Variants in CD2AP observed in about 807,000 individuals in gnomAD.
The protein encoded by CD2AP is CD2-associated protein.
In CD2AP, 46 loss-of-function variants were observed where a neutral mutation model predicts 85.1. The ratio of observed to expected loss-of-function variants is 0.54; its 90% CI spans 0.43 to 0.69. The LOEUF (loss-of-function observed/expected upper bound fraction) is 0.69. Among genes scored for constraint, CD2AP ranks in the 30% least tolerant of loss-of-function variants. CD2AP has a pLI of 0.00. For synonymous variants in CD2AP, 255 were observed against 252.9 expected, an observed-to-expected ratio of 1.01 and a Z score of -0.08; for missense variants, 769 against 729.5, an observed-to-expected ratio of 1.05 and a Z score of -0.62.
intron 1 of CD2AP, among the ~76,000 whole-genome samples, chr6:47,494,515 AT>A (rs1765809297): frequency 6.6e-6 from 1 of 152,190 alleles, no homozygotes; most frequent in Non-Finnish European, 1.5e-5. Context: ...CCTAGGTGGT[AT>A]ACAGCCCCTG....
intron 13 of CD2AP, among the ~76,000 whole-genome samples, chr6:47,599,843 C>T (rs1050133148): frequency 1.3e-5 from 2 of 151,960 alleles, no homozygotes; most frequent in African/African-American, 2.4e-5. Flanking sequence ...TTAAATTTCT[C>T]CTCTTAATCT....
chr6:47,511,129 CTTAGTA>C, intron 2 of CD2AP, among the ~76,000 whole-genome samples: 1 of 31,106 alleles, frequency 3.2e-5, no homozygotes, highest in Non-Finnish European at 9.1e-5. Context: ...AAAATAGTAG[CTTAGTA>C]GCTTTTAATG....
At chr6:47,585,347 A>G (rs1002303338) in intron 11 of CD2AP, among the ~76,000 whole-genome samples, 2 of 152,054 alleles carry the variant, frequency 1.3e-5, no homozygotes, top group African/African-American at 2.4e-5. Context: ...ACTTTTATCT[A>G]TGCAAAATCC....
intron 3 of CD2AP, among the ~76,000 whole-genome samples, chr6:47,538,633 T>C (rs2114034407): frequency 6.6e-6 from 1 of 152,318 alleles, no homozygotes; most frequent in South Asian, 2.1e-4. Flanking sequence ...CAGAGCCAAC[T>C]GGAACCAAAA....
chr6:47,505,629 C>G (rs1385537543), intron 2 of CD2AP, among the ~76,000 whole-genome samples: 1 of 125,104 alleles, frequency 8.0e-6, no homozygotes, highest in Admixed American at 9.4e-5. Flanking sequence ...GGGGCTGACC[C>G]CCCCCACCTC....
At chr6:47,481,589 G>T (rs764268075) in intron 1 of CD2AP, among the ~76,000 whole-genome samples, 1 of 152,066 alleles carries the variant, frequency 6.6e-6, no homozygotes, top group African/African-American at 2.4e-5. Context: ...CATGTGATCT[G>T]CCCGCTTTGG....
intron 13 of CD2AP, among the ~76,000 whole-genome samples, chr6:47,605,951 A>G (rs999604713): frequency 2.0e-5 from 3 of 151,634 alleles, no homozygotes; most frequent in Admixed American, 6.6e-5. Flanking sequence ...GTCATATACT[A>G]ATATAAATGT....
At chr6:47,552,710 C>G (rs1190850640) in intron 4 of CD2AP, among the ~76,000 whole-genome samples, 2 of 152,122 alleles carry the variant, frequency 1.3e-5, no homozygotes, top group African/African-American at 4.8e-5. Context: ...TAATAGACAG[C>G]TGATGTTTCT....
At chr6:47,565,928 A>G (rs1158285278) in intron 5 of CD2AP, among the ~76,000 whole-genome samples, 1 of 152,036 alleles carries the variant, frequency 6.6e-6, no homozygotes, top group Admixed American at 6.6e-5. Flanking sequence ...AAATCCCTCT[A>G]TGATCTGGCA....
chr6:47,609,214 C>G lies in CD2AP; in HGVS notation c.1724C>G (p.Thr575Arg). ...TTAGAAATCAAAGCTAAAGTGGAAA[C>G]AGATGATGTGAAAAAAAATTCCCTG... ...TPLEIKAKVE[T>R]DDVKKNSLDE... Residue 575 changes from threonine (T) to arginine (R), a missense_variant, in exon 16 of 18, where the codon ACA (threonine) becomes AGA (arginine). Thr to Arg is a moderately conservative substitution (Grantham distance 71). Transcript: ENST00000359314. 6.2e-7 allele frequency: 1 copy of G among 1,612,736 alleles called. No homozygotes were observed. The highest frequency in any genetic ancestry group is 8.5e-7 in the Non-Finnish European group (1 of 1,179,120).
Position 47,609,215 on chromosome 6 carries a change from A to G in CD2AP, c.1725A>G (p.Thr575=). Residue 575 remains threonine (T), a synonymous_variant, in exon 16 of 18, where the codon ACA becomes ACG. Transcript: ENST00000359314. ...TAGAAATCAAAGCTAAAGTGGAAAC[A>G]GATGATGTGAAAAAAAATTCCCTGG... ...TPLEIKAKVE[T]DDVKKNSLDE... is the part of the protein sequence containing the mutation. 1 of 1,613,368 alleles carries G rather than the reference A, an allele frequency of 6.2e-7. No homozygotes were observed. Among genetic ancestry groups the G allele is most frequent in the Non-Finnish European group, 8.5e-7 (1 of 1,179,414 alleles).
rs564564456 is a variant in CD2AP at position 47,556,372 on chromosome 6, A to G, written c.541+1606A>G. 7.5e-5 allele frequency among the ~76,000 whole-genome samples: 11 copies of G among 147,284 alleles called. No homozygotes were observed. In the South Asian group the frequency reaches 2.5e-3, roughly 33 times the overall value. ...TTCCAGCTTCATTCATGACCCTCCA[A>G]AGGACATGAACTCATTCTTTTTTTT... On this transcript the variant is annotated intron_variant, in intron 5 of 17. Coordinates refer to ENST00000359314, the MANE Select transcript of CD2AP (RefSeq NM_012120.3).
At chr6:47,589,221 A>C (rs540428166) in intron 11 of CD2AP, among the ~76,000 whole-genome samples, 17 of 152,048 alleles carry the variant, frequency 1.1e-4, no homozygotes, top group Non-Finnish European at 2.4e-4. Flanking sequence ...GTTTGTATTA[A>C]GTGTTTAGTT....
rs1189097421 is a variant in CD2AP at position 47,566,332 on chromosome 6, A to G, written c.542-7732A>G. Among the ~76,000 whole-genome samples the G allele has an allele frequency of 1.4e-5, 2 of 145,462 alleles. 1 individual carries two copies. Among genetic ancestry groups the G allele is most frequent in the Non-Finnish European group, 3.1e-5 (2 of 65,540 alleles). ...TATATATATATATATATACACATACACATATATATATATGTATGTATGTAT... is the reference window on the plus strand; with the variant it reads ...TATATATATATATATATACACATACGCATATATATATATGTATGTATGTAT... On this transcript the variant is annotated intron_variant, in intron 5 of 17. Transcript: ENST00000359314.
chr6:47,582,031 G>C lies in CD2AP; in HGVS notation c.1074G>C (p.Glu358Asp), dbSNP rs550863556. The change falls in exon 11 of 18, where the codon GAG (glutamate) becomes GAC (aspartate). Residue 358 changes from glutamate to aspartate, a missense_variant. By Grantham distance (45) the Glu-to-Asp change is conservative (BLOSUM62 2). Coordinates refer to ENST00000359314, the MANE Select transcript of CD2AP (RefSeq NM_012120.3). Reference sequence around the variant, plus strand: ...CAAAGCCTGAACTGATAGCTGCAGAGAAGAAATATTTTTCTTTAAAGCCTG... The same window carrying C: ...CAAAGCCTGAACTGATAGCTGCAGACAAGAAATATTTTTCTTTAAAGCCTG... ...PAPKPELIAAEKKYFSLKPEE... is the reference protein window; with the variant it reads ...PAPKPELIAADKKYFSLKPEE... 1 of 1,608,984 alleles carries C rather than the reference G, an allele frequency of 6.2e-7. No individual in the cohort carries two copies. Among genetic ancestry groups the C allele is most frequent in the East Asian group, 2.2e-5 (1 of 44,726 alleles).
chr6:47,498,154 T>C (rs1765913516), intron 1 of CD2AP, among the ~76,000 whole-genome samples: 2 of 152,356 alleles, frequency 1.3e-5, no homozygotes, highest in South Asian at 2.1e-4. Context: ...TAATTTCATA[T>C]GTGAGAGTTA....
intron 2 of CD2AP, among the ~76,000 whole-genome samples, chr6:47,528,381 G>T (rs369896972): frequency 6.6e-6 from 1 of 152,102 alleles, no homozygotes; most frequent in African/African-American, 2.4e-5. Context: ...TGTCATGTTC[G>T]CCAGGCTTGT....
At chr6:47,609,727 A>G (rs182131449) in intron 16 of CD2AP, among the ~76,000 whole-genome samples, 57 of 152,136 alleles carry the variant, frequency 3.7e-4, no homozygotes, top group Non-Finnish European at 2.4e-4. Flanking sequence ...ATGAGCAAGT[A>G]TATTTTCAAA....
intron 5 of CD2AP, among the ~76,000 whole-genome samples, chr6:47,556,978 C>G (rs1235453945): frequency 6.6e-6 from 1 of 152,138 alleles, no homozygotes; most frequent in Non-Finnish European, 1.5e-5. Flanking sequence ...ACATCCTCTC[C>G]AGCATCTGTT....
Sources: gnomAD v4.1 joint callset for allele counts (sites outside exome capture counted in the v4.1 genomes callset) on GRCh38, gnomAD v4.1.1 for gene constraint, MANE v1.5 for transcripts, NCBI Gene and HGNC (gene_info 2026-07-23, HGNC 2026-07-21) for gene names.